Variants in MARCHF1 observed in about 807,000 individuals in gnomAD.
MARCHF1 encodes membrane associated ring-CH-type finger 1, also known as E3 ubiquitin-protein ligase MARCHF1.
In MARCHF1, 40 loss-of-function variants were observed where a neutral mutation model predicts 54.2. The ratio of observed to expected loss-of-function variants is 0.74; its 90% CI spans 0.57 to 0.96. The LOEUF is 0.96. Ranked by LOEUF, MARCHF1 falls within the 40% of genes least tolerant of loss-of-function variation. The pLI, the probability that MARCHF1 is intolerant of heterozygous loss-of-function variation, is 0.00. For synonymous variants in MARCHF1, 236 were observed against 236.3 expected, an observed-to-expected ratio of 1.00 and a Z score of 0.01; for missense variants, 586 against 656.5, an observed-to-expected ratio of 0.89 and a Z score of 1.17.
intron 5 of MARCHF1, among the ~76,000 whole-genome samples, chr4:163,646,200 C>A (rs540146794): frequency 6.0e-5 from 9 of 149,376 alleles, no homozygotes; most frequent in Admixed American, 1.3e-4. Context: ...AACTTGCAAT[C>A]CAGGAGGGAG....
intron 2 of MARCHF1, among the ~76,000 whole-genome samples, chr4:164,063,542 G>A (rs1754664825): frequency 6.6e-6 from 1 of 152,168 alleles, no homozygotes. Context: ...TATCCTAAAT[G>A]GGAAAATTTG....
At chr4:164,072,519 C>T (rs1173848299) in intron 2 of MARCHF1, among the ~76,000 whole-genome samples, 1 of 152,016 alleles carries the variant, frequency 6.6e-6, no homozygotes, top group South Asian at 2.1e-4. Flanking sequence ...CAGGATTATG[C>T]CACCACACGC....
At chr4:163,556,016 T>A in intron 8 of MARCHF1, 1 of 455,608 alleles carries the variant, frequency 2.2e-6, no homozygotes, top group South Asian at 1.6e-5. Context: ...ATACCCAATT[T>A]TACCCCATCA....
chr4:164,278,069 G>T (rs9684293), intron 1 of MARCHF1, among the ~76,000 whole-genome samples: 26 of 152,100 alleles, frequency 1.7e-4, no homozygotes, highest in African/African-American at 6.3e-4. Context: ...ATATCAGCAT[G>T]TTGGGAGGCC....
chr4:163,565,818 A>G (rs1739627346), intron 8 of MARCHF1, among the ~76,000 whole-genome samples: 1 of 152,148 alleles, frequency 6.6e-6, no homozygotes, highest in Non-Finnish European at 1.5e-5. Context: ...CTCTCTGGGG[A>G]TTATCACTGC....
chr4:164,142,271 G>C (rs368265638), intron 1 of MARCHF1, among the ~76,000 whole-genome samples: 4 of 152,188 alleles, frequency 2.6e-5, no homozygotes, highest in African/African-American at 7.2e-5. Context: ...GCCCAGGCTT[G>C]CTTAGGTAAA....
intron 1 of MARCHF1, among the ~76,000 whole-genome samples, chr4:164,192,168 T>G (rs72987716): frequency 6.6e-6 from 1 of 152,202 alleles, no homozygotes; most frequent in Non-Finnish European, 1.5e-5. Flanking sequence ...AAGATTATCT[T>G]AATTTGTAAA....
In MARCHF1 at chr4:164,084,415, A is replaced by C. The variant is rs1275831469; in HGVS notation, c.-248+27173T>G. 4.6e-5 allele frequency among the ~76,000 whole-genome samples: 7 copies of C among 151,910 alleles called. No homozygotes were observed. The South Asian group carries it at 1.2e-3, about 27-fold the overall frequency. ...TCATGTTTTAAATGAGGTATATTTT[A>C]GATACTCAACCTTTACTTTTATATA... On this transcript the variant is annotated intron_variant, in intron 2 of 9. Transcript: ENST00000514618.
Position 164,282,508 on chromosome 4 carries a change from C to T in MARCHF1, c.-323+101362G>A, listed in dbSNP as rs187355851. Among the ~76,000 whole-genome samples the T allele has an allele frequency of 1.2e-3, 175 of 150,910 alleles. 6 individuals are homozygous for T. The highest frequency in any genetic ancestry group is 1.9e-4 in the Non-Finnish European group (13 of 67,948). On this transcript the variant is annotated intron_variant, in intron 1 of 9. Transcript: ENST00000514618. ...TCATCCACCGTTCCAATAAATTTAC[C>T]TATACTACTTTCCCACCATTCATCA...
chr4:163,732,842 A>T (rs946673560), intron 4 of MARCHF1, among the ~76,000 whole-genome samples: 2 of 152,090 alleles, frequency 1.3e-5, no homozygotes, highest in Non-Finnish European at 2.9e-5. Context: ...CACCCCCAGC[A>T]GACTTACACT....
chr4:163,634,728 A>C (rs1428654343), intron 5 of MARCHF1, among the ~76,000 whole-genome samples: 2 of 150,410 alleles, frequency 1.3e-5, no homozygotes, highest in East Asian at 4.1e-4. Flanking sequence ...AATTGAGCTC[A>C]GCTCTGCACC....
intron 7 of MARCHF1, among the ~76,000 whole-genome samples, chr4:163,607,058 G>A (rs746993984): frequency 1.3e-5 from 2 of 152,080 alleles, no homozygotes; most frequent in Non-Finnish European, 2.9e-5. Context: ...TTTGTCTGCA[G>A]TTGGAGGAAA....
At chr4:164,106,101 A>G (rs1755690822) in intron 2 of MARCHF1, among the ~76,000 whole-genome samples, 1 of 151,520 alleles carries the variant, frequency 6.6e-6, no homozygotes, top group African/African-American at 2.4e-5. Flanking sequence ...GCGATCATTA[A>G]GAAGTCAGGA....
chr4:164,087,289 C>T (rs1755210212), intron 2 of MARCHF1, among the ~76,000 whole-genome samples: 1 of 151,982 alleles, frequency 6.6e-6, no homozygotes. Flanking sequence ...TTTAATCATA[C>T]AAATGTATTG....
intron 1 of MARCHF1, among the ~76,000 whole-genome samples, chr4:164,244,884 T>C (rs1409612881): frequency 4.0e-5 from 6 of 151,654 alleles, no homozygotes; most frequent in Admixed American, 6.6e-5. Flanking sequence ...CCTTGACACA[T>C]ACACTCTCCC....
intron 4 of MARCHF1, among the ~76,000 whole-genome samples, chr4:163,755,309 G>T (rs181027662): frequency 4.6e-5 from 7 of 152,116 alleles, no homozygotes; most frequent in African/African-American, 1.7e-4. Flanking sequence ...ACAGGAAGTC[G>T]TATACCACAG....
Position 164,013,540 on chromosome 4 carries a change from T to C in MARCHF1, c.-247-24831A>G, listed in dbSNP as rs78110939. 9.8e-3 allele frequency among the ~76,000 whole-genome samples: 1,489 copies of C among 152,182 alleles called. 19 individuals are homozygous for C. The highest frequency in any genetic ancestry group is 0.033 in the African/African-American group (1,366 of 41,530). On this transcript the variant is annotated intron_variant, in intron 2 of 9. Coordinates refer to ENST00000514618, the MANE Select transcript of MARCHF1 (RefSeq NM_001394959.1). ...ATATGAGTAGCCAAGTACAAGAAGA[T>C]TTTAAAAATCCAATAAATTTAACCC...
intron 1 of MARCHF1, among the ~76,000 whole-genome samples, chr4:164,173,829 C>T (rs574647756): frequency 1.3e-5 from 2 of 152,306 alleles, no homozygotes; most frequent in African/African-American, 2.4e-5. Flanking sequence ...CAAAATAAAC[C>T]TCTTTGCTTT....
intron 1 of MARCHF1, among the ~76,000 whole-genome samples, chr4:164,211,884 T>C (rs1731784314): frequency 6.6e-6 from 1 of 152,070 alleles, no homozygotes; most frequent in Admixed American, 6.6e-5. Context: ...TAAATGAATA[T>C]TTTTAAAATA....
Sources: allele counts gnomAD v4.1 joint callset (sites outside exome capture counted in the v4.1 genomes callset), GRCh38; gene constraint gnomAD v4.1.1; transcripts MANE v1.5; gene names NCBI Gene and HGNC (gene_info 2026-07-23, HGNC 2026-07-21).